The following USP54 variants were observed in gnomAD, a reference collection of about 807,000 sequenced individuals.
USP54 encodes ubiquitin specific peptidase 54.
In USP54, 87 loss-of-function variants were observed where a neutral mutation model predicts 170.5. The observed-to-expected ratio is 0.51, with a 90% confidence interval of 0.43 to 0.61. USP54 has a LOEUF of 0.61. Among genes scored for constraint, USP54 ranks in the 20% least tolerant of loss-of-function variants. The pLI is 0.00. For synonymous variants in USP54, 655 were observed against 742.8 expected (o/e 0.88, Z 1.92); for missense variants, 1,786 against 2,047.8 (o/e 0.87, Z 2.47).
At chr10:73,556,496 C>T (rs2071090431) in intron 4 of USP54, among the ~76,000 whole-genome samples, 1 of 151,944 alleles carries the variant, frequency 6.6e-6, no homozygotes, top group Non-Finnish European at 1.5e-5. Context: ...CAGGCACCTG[C>T]CACCACGCCC....
In USP54 at chr10:73,620,182, G is replaced by A. The variant is rs929222963; in HGVS notation, c.-18+5385C>T. Among the ~76,000 whole-genome samples, 3 of 149,912 alleles carry A rather than the reference G, an allele frequency of 2.0e-5. 1 individual carries two copies. Among genetic ancestry groups the A allele is most frequent in the African/African-American group, 5.1e-5 (2 of 39,452 alleles). ...ACAATAATTAGCTGGGCGTGGTGGC[G>A]GGCGCCTGTAGTCCCAGCTACTCAG... On this transcript the variant is annotated intron_variant, in intron 1 of 22. Coordinates refer to the USP54 transcript ENST00000339859.
At position 73,498,014 on chromosome 10, in the gene USP54, T is replaced by G. The variant is rs1453903520; in HGVS notation, c.*615A>C. 6.6e-6 allele frequency: 1 copy of G among 152,238 alleles called. No homozygotes were observed. Among genetic ancestry groups the G allele is most frequent in the Non-Finnish European group, 1.5e-5 (1 of 68,104 alleles). The allele number at this position is 152,238 out of a possible 1,614,324, so 9.4% of individuals were successfully genotyped here. On this transcript the variant is annotated 3_prime_UTR_variant, in exon 24 of 24. Coordinates refer to ENST00000687698, the MANE Select transcript of USP54 (RefSeq NM_001391956.1). ...CCAGGAATAAAATGTGACCTTAAAA[T>G]CCTAAGGAATGGCTAGTATCCAGAG... is the stretch of plus-strand genomic sequence containing the variant.
At chr10:73,593,658 A>G (rs76806138), upstream of USP54, among the ~76,000 whole-genome samples, 5,358 of 152,258 alleles carry the variant, frequency 0.035, 152 homozygotes, top group South Asian at 0.11. Flanking sequence ...AGAATAGACA[A>G]AGGTCTCTGA....
At position 73,590,212 on chromosome 10, in the gene USP54, C is replaced by T. The variant is rs180800593; in HGVS notation, c.-582+1066G>A. On this transcript the variant is annotated intron_variant, in intron 1 of 23. Coordinates refer to ENST00000687698, the MANE Select transcript of USP54 (RefSeq NM_001391956.1). ...GCCGCTTTGTAGAGGGACAATACTACTACCTGGCCAGGTTGTACTGGGAAT... is the reference window on the plus strand; with the variant it reads ...GCCGCTTTGTAGAGGGACAATACTATTACCTGGCCAGGTTGTACTGGGAAT... Among the ~76,000 whole-genome samples, 3 of 152,350 alleles carry T rather than the reference C, an allele frequency of 2.0e-5. No individual in the cohort carries two copies. The East Asian group carries it at 5.8e-4, about 29-fold the overall frequency.
chr10:73,625,292 C>G (rs1456713941), intron 1 of USP54, among the ~76,000 whole-genome samples: 2 of 148,120 alleles, frequency 1.4e-5, no homozygotes, highest in Non-Finnish European at 2.9e-5. Context: ...CGAAAAGAAC[C>G]TTCCCAACTA....
chr10:73,505,135 G>T, intron 21 of USP54, 145 bp from the exon 22 acceptor site: 1 of 1,301,948 alleles, frequency 7.7e-7, no homozygotes. Context: ...TAAGATAGTG[G>T]CCATGTAACA....
chr10:73,579,812 A>G (rs1294281234), intron 1 of USP54, among the ~76,000 whole-genome samples: 1 of 152,180 alleles, frequency 6.6e-6, no homozygotes, highest in East Asian at 1.9e-4. Flanking sequence ...TTTAATGGGC[A>G]AAAGATTTGA....
At chr10:73,550,532 C>T (rs993166852) in intron 4 of USP54, among the ~76,000 whole-genome samples, 9 of 151,968 alleles carry the variant, frequency 5.9e-5, no homozygotes, top group African/African-American at 1.9e-4. Context: ...TGTCTGATTC[C>T]AATATTGAGA....
intron 20 of USP54, among the ~76,000 whole-genome samples, chr10:73,516,164 C>G (rs757361447): frequency 3.3e-5 from 5 of 152,070 alleles, no homozygotes; most frequent in Admixed American, 6.6e-5. Context: ...AGGGAAGTTG[C>G]CTATGAGTGG....
chr10:73,602,871 A>AAAAAAAAAAAAAAAAAAAAAAAAG, intron 1 of USP54, among the ~76,000 whole-genome samples: 1 of 151,520 alleles, frequency 6.6e-6, no homozygotes, highest in Non-Finnish European at 1.5e-5. Flanking sequence ...AAAAAAAAAA[A>AAAAAAAAAAAAAAAAAAAAAAAAG]AAAAAAAAAT....
At chr10:73,579,982 T>C (rs2076665043) in intron 1 of USP54, among the ~76,000 whole-genome samples, 1 of 152,012 alleles carries the variant, frequency 6.6e-6, no homozygotes, top group Admixed American at 6.6e-5. Context: ...CAATAACAAG[T>C]GCCGATGAGG....
chr10:73,556,851 A>AC (rs2071214885), intron 4 of USP54, among the ~76,000 whole-genome samples: 1 of 152,068 alleles, frequency 6.6e-6, no homozygotes, highest in Non-Finnish European at 1.5e-5. Flanking sequence ...ATTACAGGAT[A>AC]CCTTATATAC....
At chr10:73,501,650 T>C (rs866322009) in intron 22 of USP54, among the ~76,000 whole-genome samples, 3 of 152,290 alleles carry the variant, frequency 2.0e-5, no homozygotes, top group Middle Eastern at 6.8e-3. Context: ...TTTTCCTATC[T>C]CCCATCCACT....
chr10:73,557,130 A>G (rs958523935), intron 4 of USP54, among the ~76,000 whole-genome samples: 5 of 152,284 alleles, frequency 3.3e-5, no homozygotes, highest in South Asian at 2.1e-4. Context: ...GAGATAAATA[A>G]ATAAGCCAAC....
chr10:73,524,556 G>A (rs1457514762), intron 16 of USP54, among the ~76,000 whole-genome samples: 1 of 151,958 alleles, frequency 6.6e-6, no homozygotes, highest in African/African-American at 2.4e-5. Context: ...CTCCAGCCTG[G>A]GAGACAAGAG....
chr10:73,615,881 C>T (rs1191962298), intron 1 of USP54, among the ~76,000 whole-genome samples: 2 of 143,544 alleles, frequency 1.4e-5, no homozygotes, highest in African/African-American at 2.8e-5. Flanking sequence ...ATCACTCCAG[C>T]CTGGGCAACG....
chr10:73,498,366 C>G lies in USP54; in HGVS notation c.*263G>C. On this transcript the variant is annotated 3_prime_UTR_variant, in exon 24 of 24. Coordinates refer to ENST00000687698, the MANE Select transcript of USP54 (RefSeq NM_001391956.1). ...TCTCGGCTCACTGCAACCTCTGCCT[C>G]CCGGGTTCAAGCAATTCTCCTGCCT... The G allele has an allele frequency of 4.5e-6, 1 of 220,928 alleles. No homozygotes were observed. The highest frequency in any genetic ancestry group is 9.0e-6 in the Non-Finnish European group (1 of 111,262). The allele number at this position is 220,928 out of a possible 1,614,324, so 13.7% of individuals were successfully genotyped here.
intron 3 of USP54, among the ~76,000 whole-genome samples, chr10:73,573,037 A>G (rs1273356929): frequency 6.6e-6 from 1 of 152,154 alleles, no homozygotes; most frequent in Non-Finnish European, 1.5e-5. Context: ...TAATCCCAGC[A>G]CTTTGGGAGG....
At chr10:73,526,838 C>A in intron 15 of USP54, 58 bp from the exon 16 acceptor site, 1 of 1,568,364 alleles carries the variant, frequency 6.4e-7, no homozygotes, top group South Asian at 1.2e-5. Flanking sequence ...AGCAACATTC[C>A]TAGGACTAAA....
Sources: allele counts gnomAD v4.1 joint callset (sites outside exome capture counted in the v4.1 genomes callset), GRCh38; gene constraint gnomAD v4.1.1; transcripts MANE v1.5; gene names NCBI Gene and HGNC (gene_info 2026-07-23, HGNC 2026-07-21).